RALGPS2: variants seen among roughly 807,000 people sequenced by gnomAD.
The protein encoded by RALGPS2 is Ral GEF with PH domain and SH3 binding motif 2, also known as ras-specific guanine nucleotide-releasing factor RalGPS2.
In RALGPS2, 43 loss-of-function variants were observed where a neutral mutation model predicts 86.8. The ratio of observed to expected loss-of-function variants is 0.50; its 90% CI spans 0.39 to 0.64. The LOEUF (loss-of-function observed/expected upper bound fraction) is 0.64, where lower values mean the gene tolerates loss of function less well. Among genes scored for constraint, RALGPS2 ranks in the 30% least tolerant of loss-of-function variants. The probability of loss-of-function intolerance (pLI) is 0.00; values close to 1 mark genes in which losing one functional copy is unlikely to be tolerated. For synonymous variants in RALGPS2, 243 were observed against 231.3 expected, an observed-to-expected ratio of 1.05 and a Z score of -0.46; for missense variants, 536 against 694.6, an observed-to-expected ratio of 0.77 and a Z score of 2.57.
chr1:178,844,485 CTCA>C (rs1355515256), intron 8 of RALGPS2, among the ~76,000 whole-genome samples: 10 of 152,142 alleles, frequency 6.6e-5, no homozygotes, highest in South Asian at 6.2e-4. Context: ...CGGCTCTCAA[CTCA>C]TCATCCCTTG....
intron 8 of RALGPS2, chr1:178,865,674 T>C: frequency 6.2e-7 from 1 of 1,614,100 alleles, no homozygotes. Flanking sequence ...CGAGGGTATC[T>C]TCTCTGGTTT....
At chr1:178,793,784 C>T (rs2102151193) in intron 4 of RALGPS2, among the ~76,000 whole-genome samples, 1 of 152,230 alleles carries the variant, frequency 6.6e-6, no homozygotes, top group East Asian at 1.9e-4. Flanking sequence ...CATTGTTTAT[C>T]ATTTTGGAGT....
chr1:178,751,773 TA>T (rs1447686833), intron 1 of RALGPS2, among the ~76,000 whole-genome samples: 13 of 152,204 alleles, frequency 8.5e-5, no homozygotes, highest in Admixed American at 8.5e-4. Flanking sequence ...AACTAGGTCA[TA>T]AATTTACTAG....
intron 1 of RALGPS2, among the ~76,000 whole-genome samples, chr1:178,746,221 A>G (rs1651322553): frequency 6.6e-6 from 1 of 152,222 alleles, no homozygotes. Flanking sequence ...TAGAATATAT[A>G]CTAATGAACT....
At position 178,785,657 on chromosome 1, in the gene RALGPS2, C is replaced by A. The variant is rs545158346; in HGVS notation, c.213+50C>A. ...TTTAAATATAGAAAACGATCAATCT[C>A]AAATTAAGTGTTTTAGAAATGTCAA... is the stretch of plus-strand genomic sequence containing the variant. On this transcript the variant is annotated intron_variant, in intron 4 of 19. Transcript: ENST00000367635. The A allele has an allele frequency of 7.3e-6, 11 of 1,516,028 alleles. No homozygotes were observed. In the African/African-American group the frequency reaches 1.1e-4, roughly 16 times the overall value. 93.9% of individuals were successfully genotyped at this position (1,516,028 alleles called of 1,614,324 possible).
At chr1:178,793,736 A>G (rs1654063950) in intron 4 of RALGPS2, among the ~76,000 whole-genome samples, 1 of 152,198 alleles carries the variant, frequency 6.6e-6, no homozygotes. Flanking sequence ...GACCATTTCA[A>G]AACTTCATAC....
chr1:178,921,200 G>A lies in RALGPS2; in HGVS notation c.*4841G>A, dbSNP rs1302508537. The stretch of plus-strand genomic sequence containing the variant: ...TTAGCAAAATTTAAATTTTGACCCT[G>A]GCCATTTGTACTACAGAAGTGATTA... On this transcript the variant is annotated 3_prime_UTR_variant, in exon 20 of 20. Transcript: ENST00000367635. The A allele has an allele frequency of 1.3e-5, 2 of 151,842 alleles. No individual in the cohort carries two copies. Among genetic ancestry groups the A allele is most frequent in the East Asian group, 3.8e-4 (2 of 5,200 alleles). The allele number at this position is 151,842 out of a possible 1,614,324, so 9.4% of individuals were successfully genotyped here. A position where few individuals can be genotyped will look rare whatever the true frequency, so the allele number is the denominator to read the frequency against.
chr1:178,828,680 C>T (rs549910970), intron 7 of RALGPS2, among the ~76,000 whole-genome samples: 49 of 152,278 alleles, frequency 3.2e-4, no homozygotes, highest in Admixed American at 3.0e-3. Context: ...TGCTCAACAT[C>T]GCTAATCATC....
intron 19 of RALGPS2, among the ~76,000 whole-genome samples, chr1:178,911,338 A>G (rs530629047): frequency 4.5e-4 from 69 of 151,976 alleles, no homozygotes; most frequent in African/African-American, 1.6e-3. Flanking sequence ...TAGTTCCTCA[A>G]GGTATGATGT....
intron 1 of RALGPS2, among the ~76,000 whole-genome samples, chr1:178,765,151 A>G (rs545011485): frequency 1.6e-4 from 24 of 150,112 alleles, no homozygotes; most frequent in African/African-American, 5.9e-4. Context: ...ACCCAGTCTC[A>G]GGTATGTCTT....
At chr1:178,795,613 C>T (rs1654153662) in intron 4 of RALGPS2, among the ~76,000 whole-genome samples, 1 of 151,910 alleles carries the variant, frequency 6.6e-6, no homozygotes, top group Admixed American at 6.6e-5. Context: ...GGGGTTTCAC[C>T]ATGTTGGCCA....
chr1:178,893,584 T>G (rs1659811364), intron 15 of RALGPS2, among the ~76,000 whole-genome samples: 1 of 151,840 alleles, frequency 6.6e-6, no homozygotes, highest in African/African-American at 2.4e-5. Context: ...GCAACAGTGA[T>G]GCAGTGTGGC....
chr1:178,873,077 C>T (rs1315591060), intron 8 of RALGPS2, among the ~76,000 whole-genome samples: 1 of 151,994 alleles, frequency 6.6e-6, no homozygotes, highest in East Asian at 1.9e-4. Flanking sequence ...GTAGGGAAAA[C>T]CTGAGAACTA....
At position 178,916,910 on chromosome 1, in the gene RALGPS2, A is replaced by G. The variant is rs1057152229; in HGVS notation, c.*551A>G. The G allele has an allele frequency of 6.6e-6, 1 of 152,292 alleles. No individual in the cohort carries two copies. The highest frequency in any genetic ancestry group is 2.1e-4 in the South Asian group (1 of 4,834). 9.4% of individuals were successfully genotyped at this position (152,292 alleles called of 1,614,324 possible). ...AGTCTGCAACCTCACTGGCTTTCTC[A>G]CAGCAAGAGTGTAGGAATGAGAAAT... On this transcript the variant is annotated 3_prime_UTR_variant, in exon 20 of 20. Transcript: ENST00000367635.
At chr1:178,875,280 A>G (rs183976237) in intron 8 of RALGPS2, among the ~76,000 whole-genome samples, 279 of 152,206 alleles carry the variant, frequency 1.8e-3, no homozygotes, top group Admixed American at 5.8e-3. Flanking sequence ...TTCCTGACAC[A>G]TGTGTATCAA....
chr1:178,780,829 C>G (rs892776225), intron 2 of RALGPS2, among the ~76,000 whole-genome samples: 1 of 152,114 alleles, frequency 6.6e-6, no homozygotes, highest in African/African-American at 2.4e-5. Flanking sequence ...CTCCTAATCC[C>G]TTAAACAGAT....
At chr1:178,751,163 T>C (rs557830846) in intron 1 of RALGPS2, among the ~76,000 whole-genome samples, 5 of 152,232 alleles carry the variant, frequency 3.3e-5, no homozygotes, top group South Asian at 2.1e-4. Context: ...CAAACCCTTA[T>C]GCTTTTTTCT....
At chr1:178,902,443 G>T (rs1352101511) in intron 18 of RALGPS2, among the ~76,000 whole-genome samples, 5 of 152,046 alleles carry the variant, frequency 3.3e-5, no homozygotes. Flanking sequence ...TATTTGTGGA[G>T]CTTATTTTCT....
chr1:178,884,408 A>G (rs1308635484), intron 11 of RALGPS2, among the ~76,000 whole-genome samples: 3 of 152,204 alleles, frequency 2.0e-5, no homozygotes, highest in East Asian at 3.9e-4. Flanking sequence ...AAAATTCCCA[A>G]TATAGGCCTT....
Sources: allele counts gnomAD v4.1 joint callset (sites outside exome capture counted in the v4.1 genomes callset), GRCh38; gene constraint gnomAD v4.1.1; transcripts MANE v1.5; gene names NCBI Gene and HGNC (gene_info 2026-07-23, HGNC 2026-07-21).